Variants in MAL observed in about 807,000 individuals in gnomAD.
MAL encodes mal, T cell differentiation protein (MAL blood group).
MAL carries 5 observed loss-of-function variants against 16.7 expected under a neutral mutation model. That is an observed-to-expected ratio of 0.30 (90% CI 0.16 to 0.63). The LOEUF is 0.63. MAL is among the 30% of genes least tolerant of loss of function. MAL has a pLI of 0.82. For synonymous variants in MAL, 96 were observed against 85.5 expected (o/e 1.12, Z -0.67); for missense variants, 202 against 195.8 (o/e 1.03, Z -0.19).
rs571568287 is a variant in MAL, at chr2:95,052,578, C to T, written c.388-803C>T. Among the ~76,000 whole-genome samples, 5 of 152,310 alleles carry T rather than the reference C, an allele frequency of 3.3e-5. No homozygotes were observed. In the East Asian group the frequency reaches 7.7e-4, roughly 24 times the overall value. Reference sequence around the variant, plus strand: ...AGGCGTAGCCGCCCTAAATGGACGTCGTGCCTGAGCTGGAAACTCTTGACC... The same window carrying T: ...AGGCGTAGCCGCCCTAAATGGACGTTGTGCCTGAGCTGGAAACTCTTGACC... On this transcript the variant is annotated intron_variant, in intron 3 of 3. Coordinates refer to ENST00000309988, the MANE Select transcript of MAL (RefSeq NM_002371.4).
At position 95,049,644 on chromosome 2, in the gene MAL, G is replaced by A. The variant is rs780706526; in HGVS notation, c.325G>A (p.Ala109Thr). The A allele has an allele frequency of 6.2e-7, 1 of 1,613,958 alleles. No homozygotes were observed. Among genetic ancestry groups the A allele is most frequent in the South Asian group, 1.1e-5 (1 of 91,044 alleles). The change falls in exon 3 of 4, where the codon GCC becomes ACC. Residue 109 changes from alanine to threonine, a missense_variant. By Grantham distance (58) the Ala-to-Thr change is moderately conservative. Coordinates refer to ENST00000309988, the MANE Select transcript of MAL (RefSeq NM_002371.4). ...YLSASVLEAL[A>T]TITMQDGFTY... ...CAGCGCCTCAGTCCTGGAGGCCCTGGCCACCATCACGATGCAAGACGGCTT... is the reference window on the plus strand; with the variant it reads ...CAGCGCCTCAGTCCTGGAGGCCCTGACCACCATCACGATGCAAGACGGCTT...
intron 1 of MAL, among the ~76,000 whole-genome samples, chr2:95,041,991 G>T (rs75350514): frequency 1.3e-5 from 2 of 152,156 alleles, no homozygotes; most frequent in African/African-American, 4.8e-5. Flanking sequence ...CCAGGGTTGG[G>T]AGGGGCCTCC....
intron 1 of MAL, among the ~76,000 whole-genome samples, chr2:95,041,985 G>A (rs1432272904): frequency 6.6e-6 from 1 of 152,110 alleles, no homozygotes; most frequent in Non-Finnish European, 1.5e-5. Context: ...GTCATACCAG[G>A]GTTGGGAGGG....
At chr2:95,039,966 AG>A (rs924836291) in intron 1 of MAL, among the ~76,000 whole-genome samples, 6 of 152,264 alleles carry the variant, frequency 3.9e-5, no homozygotes, top group African/African-American at 1.4e-4. Context: ...TTCAGCATTT[AG>A]GGGTCTTGGG....
intron 1 of MAL, among the ~76,000 whole-genome samples, chr2:95,027,982 A>C (rs1673984361): frequency 1.3e-5 from 2 of 152,186 alleles, no homozygotes; most frequent in Non-Finnish European, 2.9e-5. Context: ...AAAGATGCTT[A>C]ACATCATCAG....
chr2:95,047,388 A>C (rs1288473467), intron 1 of MAL, among the ~76,000 whole-genome samples: 1 of 152,204 alleles, frequency 6.6e-6, no homozygotes, highest in Non-Finnish European at 1.5e-5. Flanking sequence ...TAGGTCTGAT[A>C]TAAGTGTTTG....
intron 1 of MAL, chr2:95,044,695 G>T (rs1674543839): frequency 6.6e-6 from 1 of 152,242 alleles, no homozygotes; most frequent in Admixed American, 6.5e-5. Context: ...ATTTCCCAGG[G>T]AGCTGGAAAA....
chr2:95,029,775 ACT>A (rs1451002765), intron 1 of MAL, among the ~76,000 whole-genome samples: 1 of 151,944 alleles, frequency 6.6e-6, no homozygotes, highest in Admixed American at 6.6e-5. Flanking sequence ...CCCTTCCAAG[ACT>A]CTGCCTAATT....
At position 95,026,218 on chromosome 2, in the gene MAL, A is replaced by C. The variant is rs1336694305; in HGVS notation, c.93+333A>C. 1.8e-4 allele frequency: 39 copies of C among 210,902 alleles called. 2 individuals are homozygous for C. In the East Asian group the frequency reaches 3.8e-3, roughly 21 times the overall value. 13.1% of individuals were successfully genotyped at this position (210,902 alleles called of 1,614,324 possible). A position where few individuals can be genotyped will look rare whatever the true frequency, so the allele number is the denominator to read the frequency against. ...CGCGCGGGGCCCACTTGACGCGCGC[A>C]GCGCCACCGAAGCTCCCGCCGCGCT... On this transcript the variant is annotated intron_variant, in intron 1 of 3. Coordinates refer to ENST00000309988, the MANE Select transcript of MAL (RefSeq NM_002371.4).
In MAL at chr2:95,049,772, AG is replaced by A. The variant is rs1674677707; in HGVS notation, c.387+68del. The A allele has an allele frequency of 2.5e-6, 4 of 1,597,708 alleles. No individual in the cohort carries two copies. The South Asian group carries it at 4.5e-5, about 18-fold the overall frequency. On this transcript the variant is annotated intron_variant, in intron 3 of 3. Coordinates refer to ENST00000309988, the MANE Select transcript of MAL (RefSeq NM_002371.4). ...TCCGTGGCTGGCAGGGTGTGTGTGG[AG>A]GCTGCCTAGGCCCTTGGTCTGTTTT... is the stretch of plus-strand genomic sequence containing the variant.
chr2:95,029,897 A>G (rs974458298), intron 1 of MAL, among the ~76,000 whole-genome samples: 2 of 152,158 alleles, frequency 1.3e-5, no homozygotes, highest in African/African-American at 4.8e-5. Flanking sequence ...GTTCCTCATC[A>G]CTTGGTAGCG....
intron 1 of MAL, among the ~76,000 whole-genome samples, chr2:95,031,501 G>T (rs1214503996): frequency 1.3e-5 from 2 of 152,206 alleles, no homozygotes; most frequent in Non-Finnish European, 2.9e-5. Flanking sequence ...ACATCTCGAG[G>T]CCAGGCCACC....
chr2:95,044,999 C>G (rs1674553972), intron 1 of MAL, among the ~76,000 whole-genome samples: 1 of 152,218 alleles, frequency 6.6e-6, no homozygotes, highest in Non-Finnish European at 1.5e-5. Context: ...TTTCCAGCTG[C>G]CATCTGTGCA....
At chr2:95,028,425 G>A (rs1242171264) in intron 1 of MAL, among the ~76,000 whole-genome samples, 5 of 152,112 alleles carry the variant, frequency 3.3e-5, no homozygotes, top group Admixed American at 6.5e-5. Flanking sequence ...TCCAAAAAAC[G>A]GAAAACATCA....
chr2:95,028,877 C>T (rs938619657), intron 1 of MAL, among the ~76,000 whole-genome samples: 1 of 152,146 alleles, frequency 6.6e-6, no homozygotes, highest in African/African-American at 2.4e-5. Context: ...AACACAAACC[C>T]TGGTGGTTTG....
intron 1 of MAL, among the ~76,000 whole-genome samples, chr2:95,035,724 C>T (rs558602445): frequency 2.6e-4 from 38 of 148,074 alleles, no homozygotes; most frequent in African/African-American, 9.5e-4. Flanking sequence ...GGCTGGAGTG[C>T]AGTGGCATGA....
intron 3 of MAL, among the ~76,000 whole-genome samples, 158 bp downstream of exon 3, chr2:95,049,864 A>AAGGGCAGT (rs1243732630): frequency 1.3e-5 from 2 of 151,932 alleles, no homozygotes; most frequent in Non-Finnish European, 2.9e-5. Flanking sequence ...AGCCCCCGAG[A>AAGGGCAGT]AGGGCAGTGT....
intron 1 of MAL, among the ~76,000 whole-genome samples, chr2:95,043,891 C>T (rs1674526299): frequency 6.6e-6 from 1 of 152,192 alleles, no homozygotes; most frequent in African/African-American, 2.4e-5. Context: ...TTCATGATGT[C>T]ATCTGTGCTG....
intron 1 of MAL, among the ~76,000 whole-genome samples, 180 bp downstream of exon 1, chr2:95,026,065 C>A (rs1423017348): frequency 6.6e-6 from 1 of 152,174 alleles, no homozygotes; most frequent in Non-Finnish European, 1.5e-5. Context: ...CCTTTGTGCC[C>A]TTCTAGACCA....
Sources: gnomAD v4.1 joint callset for allele counts (sites outside exome capture counted in the v4.1 genomes callset) on GRCh38, gnomAD v4.1.1 for gene constraint, MANE v1.5 for transcripts, NCBI Gene and HGNC (gene_info 2026-07-23, HGNC 2026-07-21) for gene names.